The following SERGEF variants were observed in gnomAD, a reference collection of about 807,000 sequenced individuals.
SERGEF encodes the protein secretion regulating guanine nucleotide exchange factor.
A neutral mutation model predicts 50.0 loss-of-function variants in SERGEF; 51 were observed. That is an observed-to-expected ratio of 1.02 (90% CI 0.81 to 1.29). The LOEUF (loss-of-function observed/expected upper bound fraction) is 1.29, where lower values mean the gene tolerates loss of function less well. Among genes scored for constraint, SERGEF ranks in the 50% most tolerant of loss-of-function variants. The pLI is 0.00. For missense variants in SERGEF, 521 were observed against 557.0 expected (o/e 0.94, Z 0.65); for synonymous variants, 205 against 212.4 (o/e 0.97, Z 0.30).
chr11:17,953,782 T>A (rs879765494), intron 9 of SERGEF, among the ~76,000 whole-genome samples: 7 of 152,274 alleles, frequency 4.6e-5, no homozygotes, highest in Non-Finnish European at 7.4e-5. Context: ...AAAAGAGAGA[T>A]GATAAATATA....
intron 10 of SERGEF, among the ~76,000 whole-genome samples, chr11:17,844,695 C>T (rs943301169): frequency 6.6e-6 from 1 of 152,152 alleles, no homozygotes; most frequent in Non-Finnish European, 1.5e-5. Context: ...TGATCTCAAT[C>T]CCTTTGCCTC....
chr11:17,984,951 C>A lies in SERGEF; in HGVS notation c.844+3646G>T, dbSNP rs1853565318. Among the ~76,000 whole-genome samples, 5 of 152,282 alleles carry A rather than the reference C, an allele frequency of 3.3e-5. No individual in the cohort carries two copies. In the South Asian group the frequency reaches 1.0e-3, roughly 32 times the overall value. ...AAATAAGAATACAAAGAGATGTACA[C>A]AATTACAAATTGGGATGAGTATCCT... On this transcript the variant is annotated intron_variant, in intron 8 of 10. Coordinates refer to ENST00000265965, the MANE Select transcript of SERGEF (RefSeq NM_012139.4).
At chr11:17,922,118 A>G (rs1319748308) in intron 9 of SERGEF, among the ~76,000 whole-genome samples, 1 of 152,214 alleles carries the variant, frequency 6.6e-6, no homozygotes, top group African/African-American at 2.4e-5. Context: ...ACGTCTGAAC[A>G]TGCTGAGTCA....
chr11:17,877,940 G>A (rs1349053482), intron 10 of SERGEF: 5 of 360,168 alleles, frequency 1.4e-5, no homozygotes, highest in Non-Finnish European at 2.5e-5. Flanking sequence ...CCCTCAGCCT[G>A]TGAGTTCTTT....
At chr11:17,974,087 G>C (rs1473221028) in intron 8 of SERGEF, among the ~76,000 whole-genome samples, 1 of 152,142 alleles carries the variant, frequency 6.6e-6, no homozygotes, top group Non-Finnish European at 1.5e-5. Context: ...AGAGGTCCAT[G>C]GCCTCATGGT....
In SERGEF at chr11:17,857,844, C is replaced by T. The variant is rs1850852163; in HGVS notation, c.1048+20364G>A. Reference sequence around the variant, plus strand: ...CTTCCATTAATCGGGATAGATTGAGCCCACACCTTTATCTCTATTTCCTTC... The same window carrying T: ...CTTCCATTAATCGGGATAGATTGAGTCCACACCTTTATCTCTATTTCCTTC... On this transcript the variant is annotated intron_variant, in intron 10 of 10. Coordinates refer to ENST00000265965, the MANE Select transcript of SERGEF (RefSeq NM_012139.4). 2.0e-5 allele frequency among the ~76,000 whole-genome samples: 3 copies of T among 152,172 alleles called. No individual in the cohort carries two copies. The South Asian group carries it at 6.2e-4, about 32-fold the overall frequency.
intron 9 of SERGEF, among the ~76,000 whole-genome samples, chr11:17,921,057 C>G (rs1427445497): frequency 6.6e-6 from 1 of 152,186 alleles, no homozygotes. Context: ...ATAATCCATA[C>G]ATCACAAGAC....
At chr11:17,929,553 A>T (rs760068502) in intron 9 of SERGEF, among the ~76,000 whole-genome samples, 6 of 152,206 alleles carry the variant, frequency 3.9e-5, no homozygotes, top group Non-Finnish European at 7.4e-5. Context: ...AAGCAAAATG[A>T]GCTTTCAGCA....
rs768992787 is a variant in SERGEF, at chr11:18,012,333, AC to A, written c.60+617del. 4.9e-4 allele frequency among the ~76,000 whole-genome samples: 74 copies of A among 151,690 alleles called. 1 individual carries two copies. Among genetic ancestry groups the A allele is most frequent in the Non-Finnish European group, 1.5e-4 (10 of 67,940 alleles). On this transcript the variant is annotated intron_variant, in intron 1 of 10. Coordinates refer to ENST00000265965, the MANE Select transcript of SERGEF (RefSeq NM_012139.4). ...CCACCTGCCACGCTCCTGTGCATGA[AC>A]CCTCCTCTCTCCCAGACACACATCA...
intron 10 of SERGEF, among the ~76,000 whole-genome samples, chr11:17,809,643 G>A (rs79504334): frequency 0.021 from 3,147 of 152,266 alleles, 103 homozygotes; most frequent in African/African-American, 0.072. Context: ...AGCCTGAGCT[G>A]TCTCAGTGGC....
intron 9 of SERGEF, among the ~76,000 whole-genome samples, chr11:17,946,220 T>G: frequency 6.6e-6 from 1 of 152,114 alleles, no homozygotes. Flanking sequence ...GTAGCATAGG[T>G]TTTGCAGTAG....
intron 10 of SERGEF, among the ~76,000 whole-genome samples, chr11:17,797,294 A>G (rs7110010): frequency 0.63 from 95,852 of 152,082 alleles, 30,639 homozygotes; most frequent in Middle Eastern, 0.79. Flanking sequence ...CTCCTTCTCT[A>G]ACATCATGTT....
chr11:17,983,223 A>G (rs1233725839), intron 8 of SERGEF, among the ~76,000 whole-genome samples: 1 of 152,242 alleles, frequency 6.6e-6, no homozygotes, highest in Non-Finnish European at 1.5e-5. Flanking sequence ...GACCAACTCC[A>G]CATTAAGGTT....
chr11:17,932,463 T>C (rs1214800232), intron 9 of SERGEF, among the ~76,000 whole-genome samples: 15 of 152,132 alleles, frequency 9.9e-5, no homozygotes, highest in Admixed American at 9.8e-4. Flanking sequence ...GGTCAATAAT[T>C]TTAAAATGAA....
intron 8 of SERGEF, among the ~76,000 whole-genome samples, chr11:17,966,021 C>G (rs1167270872): frequency 6.6e-6 from 1 of 152,206 alleles, no homozygotes; most frequent in African/African-American, 2.4e-5. Context: ...TAAGGATTTC[C>G]ATGGTTCCAC....
At chr11:17,939,989 T>C (rs567127030) in intron 9 of SERGEF, among the ~76,000 whole-genome samples, 1 of 152,336 alleles carries the variant, frequency 6.6e-6, no homozygotes, top group Admixed American at 6.5e-5. Flanking sequence ...ACTTGTTTTA[T>C]TTGGAATTAA....
At chr11:17,988,471 A>G in intron 8 of SERGEF, 126 bp downstream of exon 8, 1 of 862,522 alleles carries the variant, frequency 1.2e-6, no homozygotes, top group Non-Finnish European at 1.7e-6. Context: ...ACTAGATCCC[A>G]GTATCCCCAT....
rs770460948 is a variant in SERGEF, at chr11:17,882,418, C to CAAA, written c.1012-4177_1012-4175dup. Among the ~76,000 whole-genome samples, 24 of 68,178 alleles carry CAAA rather than the reference C, an allele frequency of 3.5e-4. 1 individual carries two copies. The East Asian group carries it at 6.4e-3, about 18-fold the overall frequency. The allele number at this position is 68,178 out of a possible 152,430, so 44.7% of individuals were successfully genotyped here. On this transcript the variant is annotated intron_variant, in intron 9 of 10. Coordinates refer to ENST00000265965, the MANE Select transcript of SERGEF (RefSeq NM_012139.4). ...TGGGCAACAGAGCAAGAGTCAGTCTCAAAAAAAAAAAAAAAAAAGAAAAAA... is the reference window on the plus strand; with the variant it reads ...TGGGCAACAGAGCAAGAGTCAGTCTCAAAAAAAAAAAAAAAAAAAAAGAAAAAA...
chr11:17,887,775 A>T (rs1000608430), intron 9 of SERGEF, among the ~76,000 whole-genome samples: 8 of 152,260 alleles, frequency 5.3e-5, no homozygotes, highest in African/African-American at 1.7e-4. Flanking sequence ...TAATAAAAAT[A>T]TGAAATAACA....
Sources: gnomAD v4.1 joint callset for allele counts (sites outside exome capture counted in the v4.1 genomes callset) on GRCh38, gnomAD v4.1.1 for gene constraint, MANE v1.5 for transcripts, NCBI Gene and HGNC (gene_info 2026-07-23, HGNC 2026-07-21) for gene names.